Variants in ACSBG2 observed in about 807,000 individuals in gnomAD.
ACSBG2 encodes acyl-CoA synthetase bubblegum family member 2, also known as long-chain-fatty-acid--CoA ligase ACSBG2.
A neutral mutation model predicts 74.7 loss-of-function variants in ACSBG2; 62 were observed. The ratio of observed to expected loss-of-function variants is 0.83; its 90% CI spans 0.68 to 1.03. The LOEUF is 1.03. Among genes scored for constraint, ACSBG2 ranks in the 50% least tolerant of loss-of-function variants. The pLI, the probability that ACSBG2 is intolerant of heterozygous loss-of-function variation, is 0.00. For synonymous variants in ACSBG2, 309 were observed against 294.1 expected (o/e 1.05, Z -0.52); for missense variants, 730 against 817.6 (o/e 0.89, Z 1.31).
At chr19:6,171,977 C>T (rs1374698265) in intron 7 of ACSBG2, among the ~76,000 whole-genome samples, 1 of 151,938 alleles carries the variant, frequency 6.6e-6, no homozygotes. Context: ...GAAATTCTTT[C>T]TTCTGCTTGG....
chr19:6,168,511 G>A (rs1468596401), intron 7 of ACSBG2, among the ~76,000 whole-genome samples: 3 of 152,128 alleles, frequency 2.0e-5, no homozygotes, highest in African/African-American at 7.2e-5. Context: ...GGGGTTTTCT[G>A]TCTTATTCAC....
intron 5 of ACSBG2, among the ~76,000 whole-genome samples, chr19:6,158,050 C>CT (rs1486794139): frequency 3.0e-5 from 3 of 100,604 alleles, no homozygotes; most frequent in Admixed American, 2.5e-4. Flanking sequence ...TTACAATTTT[C>CT]TTTTTTTTTC....
chr19:6,183,153 C>T lies in ACSBG2; in HGVS notation c.1203C>T (p.Leu401=). ...CHSFISGTAP[L]NQETAEFFLS... The stretch of plus-strand genomic sequence containing the variant: ...CTTTTATCAGTGGGACTGCGCCCCT[C>T]AACCAAGAGACTGCCGAGTTCTTTC... Residue 401 remains leucine, a synonymous_variant, in exon 10 of 15, where the codon CTC becomes CTT. Coordinates refer to ENST00000588485, the MANE Select transcript of ACSBG2 (RefSeq NM_030924.5). The T allele has an allele frequency of 6.2e-7, 1 of 1,614,238 alleles. No homozygotes were observed. Among genetic ancestry groups the T allele is most frequent in the Non-Finnish European group, 8.5e-7 (1 of 1,180,042 alleles).
At position 6,182,980 on chromosome 19, in the gene ACSBG2, C is replaced by T. The variant is rs377036111; in HGVS notation, c.1088+48C>T. 3 of 1,612,024 alleles carry T rather than the reference C, an allele frequency of 1.9e-6. No individual in the cohort carries two copies. In the African/African-American group the frequency reaches 4.0e-5, roughly 22 times the overall value. ...TGGGAGGGTAGTTGGTGAGGAGGCT[C>T]AGCCTTCTCCAGTGGGTCCCATCAG... On this transcript the variant is annotated intron_variant, in intron 9 of 14. Transcript: ENST00000588485.
At chr19:6,155,168 C>T (rs951077239) in intron 4 of ACSBG2, among the ~76,000 whole-genome samples, 1 of 152,072 alleles carries the variant, frequency 6.6e-6, no homozygotes, top group African/African-American at 2.4e-5. Flanking sequence ...AGAAATAGCT[C>T]CATGCATACA....
At chr19:6,190,808 TACATAC>T (rs1202114244) in intron 14 of ACSBG2, 116 bp downstream of exon 14, 23 of 387,628 alleles carry the variant, frequency 5.9e-5, no homozygotes, top group African/African-American at 5.8e-4. Context: ...CATACACACA[TACATAC>T]ACACACACAC....
At chr19:6,154,563 G>A (rs935836941) in intron 4 of ACSBG2, among the ~76,000 whole-genome samples, 4 of 150,856 alleles carry the variant, frequency 2.7e-5, no homozygotes, top group Non-Finnish European at 4.4e-5. Flanking sequence ...CCAGGCTGCA[G>A]TGCAGTGGTG....
At position 6,180,925 on chromosome 19, in the gene ACSBG2, C is replaced by T. The variant is rs761062101; in HGVS notation, c.907-1826C>T. Among the ~76,000 whole-genome samples, 17 of 151,842 alleles carry T rather than the reference C, an allele frequency of 1.1e-4. No individual in the cohort carries two copies. The East Asian group carries it at 1.4e-3, about 12-fold the overall frequency. On this transcript the variant is annotated intron_variant, in intron 8 of 14. Coordinates refer to ENST00000588485, the MANE Select transcript of ACSBG2 (RefSeq NM_030924.5). This position sits in a 1 kb window ranked among gnomAD's most constrained non-coding sequence, Gnocchi z 4.3. ...TAAAAAGAAAAGTAAAAGCCAGGCA[C>T]GGCGGCTCACGCCTGTAATCCCAGT...
intron 5 of ACSBG2, among the ~76,000 whole-genome samples, chr19:6,157,955 T>C (rs1014565968): frequency 6.6e-6 from 1 of 152,186 alleles, no homozygotes; most frequent in African/African-American, 2.4e-5. Flanking sequence ...GTCTCTTCCC[T>C]GAGTGCTTGT....
intron 6 of ACSBG2, among the ~76,000 whole-genome samples, chr19:6,165,098 C>T (rs899533215): frequency 6.6e-6 from 1 of 152,210 alleles, no homozygotes; most frequent in African/African-American, 2.4e-5. Context: ...AAAAGATAAT[C>T]TGTTGGACCA....
chr19:6,156,796 T>C (rs1226780346), intron 5 of ACSBG2, among the ~76,000 whole-genome samples: 2 of 151,894 alleles, frequency 1.3e-5, no homozygotes, highest in African/African-American at 4.8e-5. Flanking sequence ...ATTTTTTTTT[T>C]TTTTTCGAGA....
At chr19:6,157,812 T>G (rs1568229651) in intron 5 of ACSBG2, among the ~76,000 whole-genome samples, 2 of 152,154 alleles carry the variant, frequency 1.3e-5, no homozygotes, top group Non-Finnish European at 2.9e-5. Flanking sequence ...GTGTGATGAT[T>G]TCAAGCCCAT....
chr19:6,167,825 A>G (rs536964080), intron 7 of ACSBG2, among the ~76,000 whole-genome samples: 4 of 152,366 alleles, frequency 2.6e-5, no homozygotes, highest in African/African-American at 9.6e-5. Context: ...ACAAATTAAA[A>G]GTTCAGACAT....
intron 10 of ACSBG2, among the ~76,000 whole-genome samples, chr19:6,183,870 G>T (rs747734825): frequency 2.6e-5 from 4 of 152,164 alleles, no homozygotes; most frequent in Non-Finnish European, 5.9e-5. Flanking sequence ...TACAATCATA[G>T]ATCACTGTAA....
chr19:6,136,350 C>T (rs899136951), intron 1 of ACSBG2, among the ~76,000 whole-genome samples: 2 of 151,956 alleles, frequency 1.3e-5, no homozygotes, highest in Non-Finnish European at 1.5e-5. Context: ...CCTTGGCCTC[C>T]CAAAGTGCTG....
chr19:6,177,206 T>C, intron 7 of ACSBG2, 23 bp from the exon 8 acceptor site: 1 of 1,612,508 alleles, frequency 6.2e-7, no homozygotes, highest in Middle Eastern at 1.7e-4. Flanking sequence ...GTGAGGCACC[T>C]TGGATTGTCC....
At chr19:6,175,664 T>G (rs2090071706) in intron 7 of ACSBG2, among the ~76,000 whole-genome samples, 1 of 152,144 alleles carries the variant, frequency 6.6e-6, no homozygotes, top group Non-Finnish European at 1.5e-5. Flanking sequence ...CGAGGAGGTC[T>G]GGGTGGCTGG....
At position 6,183,095 on chromosome 19, in the gene ACSBG2, T is replaced by C; in HGVS notation, c.1145T>C (p.Val382Ala). 5.6e-6 allele frequency: 9 copies of C among 1,614,142 alleles called. No homozygotes were observed. The highest frequency in any genetic ancestry group is 7.6e-6 in the Non-Finnish European group (9 of 1,180,028). The change falls in exon 10 of 15, where the codon GTC (valine) becomes GCC (alanine). Residue 382 changes from valine (V) to alanine (A), a missense_variant. By Grantham distance (64) the Val-to-Ala change is moderately conservative. Coordinates refer to ENST00000588485, the MANE Select transcript of ACSBG2 (RefSeq NM_030924.5). ...RMAKTLVFSK[V>A]KTSLGLDHCH... ...GCTAAGACTCTCGTGTTCAGCAAAG[T>C]CAAGACATCCCTTGGCTTGGATCAC...
intron 2 of ACSBG2, among the ~76,000 whole-genome samples, chr19:6,146,219 C>T (rs996796212): frequency 7.2e-5 from 11 of 152,190 alleles, no homozygotes; most frequent in African/African-American, 2.2e-4. Flanking sequence ...CCTGTAATCC[C>T]GGCACTTTGG....
Sources: gnomAD v4.1 joint callset for allele counts (sites outside exome capture counted in the v4.1 genomes callset) on GRCh38, gnomAD v4.1.1 for gene constraint, Gnocchi (gnomAD v3.1) non-coding constraint, MANE v1.5 for transcripts, NCBI Gene and HGNC (gene_info 2026-07-23, HGNC 2026-07-21) for gene names.